Variants in KCNH1 observed in about 807,000 individuals in gnomAD.
The protein encoded by KCNH1 is voltage-gated delayed rectifier potassium channel KCNH1.
A neutral mutation model predicts 69.2 loss-of-function variants in KCNH1; 27 were observed. The observed-to-expected ratio is 0.39, with a 90% CI of 0.29 to 0.54. The LOEUF (loss-of-function observed/expected upper bound fraction) is 0.54, where lower values mean the gene tolerates loss of function less well. Ranked by LOEUF, KCNH1 falls within the 20% of genes least tolerant of loss-of-function variation. The pLI, the probability that KCNH1 is intolerant of heterozygous loss-of-function variation, is 0.68. For synonymous variants in KCNH1, 456 were observed against 487.7 expected, an observed-to-expected ratio of 0.93 and a Z score of 0.86; for missense variants, 798 against 1,261.6, an observed-to-expected ratio of 0.63 and a Z score of 5.57.
At chr1:210,929,995 A>G (rs893076011) in intron 6 of KCNH1, among the ~76,000 whole-genome samples, 1 of 152,198 alleles carries the variant, frequency 6.6e-6, no homozygotes, top group South Asian at 2.1e-4. Context: ...GTCCTCTACA[A>G]TGAAAACTAC....
intron 7 of KCNH1, among the ~76,000 whole-genome samples, chr1:210,837,520 C>T: frequency 6.6e-6 from 1 of 152,070 alleles, no homozygotes; most frequent in East Asian, 1.9e-4. Context: ...AGAGAAAATC[C>T]ATAAACGTAA....
chr1:211,129,925 C>T (rs1263536181), intron 1 of KCNH1, among the ~76,000 whole-genome samples: 2 of 152,182 alleles, frequency 1.3e-5, no homozygotes, highest in Non-Finnish European at 2.9e-5. Flanking sequence ...CTGGCACCTA[C>T]AATTGTTTGA....
chr1:210,802,835 G>A (rs1684457170), intron 8 of KCNH1, among the ~76,000 whole-genome samples: 1 of 152,050 alleles, frequency 6.6e-6, no homozygotes, highest in African/African-American at 2.4e-5. Context: ...AGGGTTGCCT[G>A]GGCACTTGTC....
intron 1 of KCNH1, among the ~76,000 whole-genome samples, chr1:211,131,337 G>A (rs1429600957): frequency 6.6e-6 from 1 of 152,138 alleles, no homozygotes; most frequent in African/African-American, 2.4e-5. Flanking sequence ...CATAAAAGCT[G>A]GAGAAATTAT....
chr1:210,973,521 C>G (rs992263698), intron 6 of KCNH1, among the ~76,000 whole-genome samples: 4 of 152,102 alleles, frequency 2.6e-5, no homozygotes, highest in Admixed American at 6.6e-5. Context: ...CCATTTGTCA[C>G]TTTTTTTCTT....
intron 10 of KCNH1, among the ~76,000 whole-genome samples, chr1:210,685,984 T>A (rs1365544235): frequency 1.3e-5 from 2 of 152,346 alleles, no homozygotes; most frequent in East Asian, 3.9e-4. Context: ...CACAGGTGGA[T>A]GGATGGTTAA....
intron 1 of KCNH1, among the ~76,000 whole-genome samples, chr1:211,126,835 C>T (rs1167025138): frequency 6.6e-6 from 1 of 151,888 alleles, no homozygotes; most frequent in Non-Finnish European, 1.5e-5. Flanking sequence ...ATGGGATATC[C>T]CAGAGGAATG....
chr1:210,698,172 C>T (rs1379642128), intron 10 of KCNH1, among the ~76,000 whole-genome samples: 1 of 152,132 alleles, frequency 6.6e-6, no homozygotes, highest in African/African-American at 2.4e-5. Flanking sequence ...TTAGCTTTCC[C>T]ATTCCACACC....
intron 10 of KCNH1, among the ~76,000 whole-genome samples, chr1:210,746,116 T>G (rs916166068): frequency 5.9e-5 from 9 of 152,108 alleles, no homozygotes; most frequent in African/African-American, 1.4e-4. Context: ...GCAGTGACCC[T>G]CTAAAAAGAG....
At position 210,683,390 on chromosome 1, in the gene KCNH1, A is replaced by G. The variant is rs1681322093; in HGVS notation, c.2861T>C (p.Ile954Thr). Residue 954 changes from isoleucine to threonine, a missense_variant, in exon 11 of 11, where the codon ATA becomes ACA. Around this residue, in one of 4 missense-constraint regions of KCNH1, gnomAD observed 331 missense variants for 363.2 expected, o/e 0.91. Transcript: ENST00000271751. The surrounding 1 kb of genome is among the most constrained non-coding windows in gnomAD (Gnocchi z 5.7). ...MTNIEKQLSE[I>T]LRILTSRRSS... ...TCTTCTGGAAGTTAATATCCTGAGTATCTCAGAGAGCTGTTTCTCAATATT... is the reference window on the plus strand; with the variant it reads ...TCTTCTGGAAGTTAATATCCTGAGTGTCTCAGAGAGCTGTTTCTCAATATT... 3.7e-6 allele frequency: 6 copies of G among 1,614,138 alleles called. No homozygotes were observed. The highest frequency in any genetic ancestry group is 3.4e-6 in the Non-Finnish European group (4 of 1,180,020).
chr1:210,816,360 A>G (rs1410466794), intron 7 of KCNH1, among the ~76,000 whole-genome samples: 1 of 152,188 alleles, frequency 6.6e-6, no homozygotes, highest in Non-Finnish European at 1.5e-5. Context: ...GAATAAAACA[A>G]CAGCTCCTGC....
chr1:210,984,538 G>GT (rs202145481), intron 6 of KCNH1, among the ~76,000 whole-genome samples: 1 of 152,146 alleles, frequency 6.6e-6, no homozygotes, highest in Non-Finnish European at 1.5e-5. Context: ...TAATCATGTG[G>GT]TTTTTGTCAC....
intron 5 of KCNH1, among the ~76,000 whole-genome samples, chr1:211,067,124 C>A (rs997758059): frequency 6.6e-6 from 1 of 152,288 alleles, no homozygotes; most frequent in Non-Finnish European, 1.5e-5. Context: ...CAGACCAAAC[C>A]CAGCAGAGTC....
At chr1:210,699,156 G>T (rs1681714600) in intron 10 of KCNH1, among the ~76,000 whole-genome samples, 3 of 152,162 alleles carry the variant, frequency 2.0e-5, no homozygotes, top group African/African-American at 4.8e-5. Flanking sequence ...TGTGGAGTAG[G>T]CATGTGGGTT....
At chr1:210,718,086 G>A (rs1682307408) in intron 10 of KCNH1, among the ~76,000 whole-genome samples, 1 of 151,184 alleles carries the variant, frequency 6.6e-6, no homozygotes, top group South Asian at 2.1e-4. Context: ...CAGCCTGGGT[G>A]ACAGAGCAAG....
chr1:211,027,708 G>T (rs1304133095), intron 5 of KCNH1, among the ~76,000 whole-genome samples: 2 of 151,822 alleles, frequency 1.3e-5, no homozygotes, highest in African/African-American at 4.8e-5. Flanking sequence ...GTAATAGAAA[G>T]TATCTGAACA....
rs142189922 is a variant in KCNH1 at position 210,940,879 on chromosome 1, T to A, written c.1033-20810A>T. Among the ~76,000 whole-genome samples the A allele has an allele frequency of 3.3e-3, 502 of 152,336 alleles. 1 individual carries two copies. The highest frequency in any genetic ancestry group is 0.011 in the African/African-American group (476 of 41,582). On this transcript the variant is annotated intron_variant, in intron 6 of 10. Coordinates refer to ENST00000271751, the MANE Select transcript of KCNH1 (RefSeq NM_172362.3). The stretch of plus-strand genomic sequence containing the variant: ...TCTCATATTGAAGGAAGCAATACAA[T>A]CCTGTTGTATCCTGACATTGATGCA...
At chr1:210,868,700 C>T (rs1686170655) in intron 7 of KCNH1, among the ~76,000 whole-genome samples, 1 of 152,058 alleles carries the variant, frequency 6.6e-6, no homozygotes, top group African/African-American at 2.4e-5. Flanking sequence ...TTTATAGTCA[C>T]ACCCACTTCC....
intron 10 of KCNH1, among the ~76,000 whole-genome samples, chr1:210,766,719 G>C (rs1181921219): frequency 1.3e-5 from 2 of 152,196 alleles, no homozygotes; most frequent in Admixed American, 1.3e-4. Context: ...AGTGACATTA[G>C]TAAAAAGTAA....
Sources: gnomAD v4.1 joint callset for allele counts (sites outside exome capture counted in the v4.1 genomes callset) on GRCh38, gnomAD v4.1.1 for gene constraint, gnomAD v4.1.1 regional missense constraint, Gnocchi (gnomAD v3.1) non-coding constraint, MANE v1.5 for transcripts, NCBI Gene and HGNC (gene_info 2026-07-23, HGNC 2026-07-21) for gene names.